The following ABLIM1 variants were observed in gnomAD, a reference collection of about 807,000 sequenced individuals.
ABLIM1 encodes the protein actin binding LIM protein 1, also known as actin-binding LIM protein 1.
A neutral mutation model predicts 107.0 loss-of-function variants in ABLIM1; 40 were observed. The observed-to-expected ratio is 0.37, with a 90% CI of 0.29 to 0.49. The LOEUF (loss-of-function observed/expected upper bound fraction) is 0.49, where lower values mean the gene tolerates loss of function less well. ABLIM1 is among the 20% of genes least tolerant of loss of function. The pLI is 0.97. For missense variants in ABLIM1, 857 were observed against 1,008.5 expected, an observed-to-expected ratio of 0.85 and a Z score of 2.04; for synonymous variants, 357 against 357.3, an observed-to-expected ratio of 1.00 and a Z score of 0.01.
chr10:114,726,826 A>G (rs1043779626), intron 1 of ABLIM1, among the ~76,000 whole-genome samples: 1 of 152,130 alleles, frequency 6.6e-6, no homozygotes, highest in Non-Finnish European at 1.5e-5. Context: ...ATGGCGCTAA[A>G]GCATTCATGA....
intron 2 of ABLIM1, among the ~76,000 whole-genome samples, chr10:114,586,978 C>A (rs544023868): frequency 1.5e-4 from 23 of 152,214 alleles, no homozygotes; most frequent in African/African-American, 5.3e-4. Flanking sequence ...AACTGCCTAC[C>A]CCCATCTTCA....
At chr10:114,706,473 G>A (rs564863883) in intron 1 of ABLIM1, among the ~76,000 whole-genome samples, 2 of 152,310 alleles carry the variant, frequency 1.3e-5, no homozygotes, top group East Asian at 1.9e-4. Context: ...AATTGACCCT[G>A]AGAAACAAAT....
At chr10:114,482,105 A>G (rs1262686578) in intron 8 of ABLIM1, among the ~76,000 whole-genome samples, 5 of 152,204 alleles carry the variant, frequency 3.3e-5, no homozygotes, top group African/African-American at 9.6e-5. Flanking sequence ...GACACCCCCC[A>G]GATTATTACA....
chr10:114,658,312 C>T (rs138122678), upstream of ABLIM1: 2 of 1,500,824 alleles, frequency 1.3e-6, no homozygotes, highest in Non-Finnish European at 1.8e-6. Context: ...TTTCTCACTG[C>T]CCAGCAAAGA....
intron 2 of ABLIM1, among the ~76,000 whole-genome samples, chr10:114,592,379 C>A (rs2074981696): frequency 6.6e-6 from 1 of 152,044 alleles, no homozygotes; most frequent in African/African-American, 2.4e-5. Context: ...TCAGGAAGGA[C>A]AGCAGAATTC....
intron 1 of ABLIM1, among the ~76,000 whole-genome samples, chr10:114,634,724 G>A (rs1318034931): frequency 6.6e-6 from 1 of 152,042 alleles, no homozygotes; most frequent in Non-Finnish European, 1.5e-5. Flanking sequence ...CTGTGCCACA[G>A]TCAAAGTGAA....
rs370721047 is a variant in ABLIM1 at position 114,719,927 on chromosome 10, TA to T, written c.-213+48133del. 2.0e-3 allele frequency among the ~76,000 whole-genome samples: 299 copies of T among 152,296 alleles called. 2 individuals carry two copies. The highest frequency in any genetic ancestry group is 0.011 in the South Asian group (55 of 4,828). ...CATAAACAATCCAATTAACCTTTCT[TA>T]AGAAAATGTGTGCCACAGTGGTTTG... On this transcript the variant is annotated intron_variant, in intron 1 of 15. Coordinates refer to the ABLIM1 transcript ENST00000651092.
intron 2 of ABLIM1, among the ~76,000 whole-genome samples, chr10:114,596,584 A>T (rs1278144213): frequency 6.6e-6 from 1 of 152,172 alleles, no homozygotes; most frequent in Non-Finnish European, 1.5e-5. Context: ...AATGTCAGGC[A>T]TTTTAGAAAG....
intron 14 of ABLIM1, among the ~76,000 whole-genome samples, chr10:114,448,875 G>T (rs778150182): frequency 1.2e-4 from 18 of 152,148 alleles, no homozygotes; most frequent in Non-Finnish European, 2.5e-4. Context: ...CTCCCAAAGT[G>T]CTGGGATTAC....
At chr10:114,686,547 A>C (rs2080942382), upstream of ABLIM1, among the ~76,000 whole-genome samples, 1 of 151,852 alleles carries the variant, frequency 6.6e-6, no homozygotes, top group Non-Finnish European at 1.5e-5. Context: ...GGTGAAACCA[A>C]CTGCCTAGAA....
intron 1 of ABLIM1, among the ~76,000 whole-genome samples, chr10:114,715,467 A>C (rs1392912333): frequency 6.6e-6 from 1 of 152,168 alleles, no homozygotes; most frequent in Non-Finnish European, 1.5e-5. Flanking sequence ...CCAAACAAAA[A>C]CAAATTACAC....
intron 1 of ABLIM1, among the ~76,000 whole-genome samples, chr10:114,602,283 G>A (rs1188951517): frequency 2.6e-5 from 4 of 152,290 alleles, no homozygotes; most frequent in South Asian, 4.1e-4. Flanking sequence ...TTGTTATGTG[G>A]ACTTGTAATA....
At chr10:114,469,486 C>T (rs960047509) in intron 10 of ABLIM1, among the ~76,000 whole-genome samples, 2 of 152,206 alleles carry the variant, frequency 1.3e-5, no homozygotes, top group Non-Finnish European at 2.9e-5. Context: ...TTCACCCAGA[C>T]ACCTGCAGGG....
chr10:114,444,014 G>A lies in ABLIM1; in HGVS notation c.1933+15C>T. On this transcript the variant is annotated intron_variant, in intron 17 of 22. Transcript: ENST00000533213. ...TGGCTCTCGAATCAGGGAAGGTTGG[G>A]GGTTTGCTGCTTACCTGAGTTGATG... 1 of 1,596,442 alleles carries A rather than the reference G, an allele frequency of 6.3e-7. No individual in the cohort carries two copies. The highest frequency in any genetic ancestry group is 1.1e-5 in the South Asian group (1 of 87,894).
chr10:114,456,104 G>A (rs774656432), intron 12 of ABLIM1, among the ~76,000 whole-genome samples: 8 of 152,260 alleles, frequency 5.3e-5, no homozygotes, highest in African/African-American at 1.4e-4. Context: ...GTGAGCCACC[G>A]CACCCGGCTG....
intron 1 of ABLIM1, among the ~76,000 whole-genome samples, chr10:114,742,101 T>A (rs2082300034): frequency 6.6e-6 from 1 of 152,192 alleles, no homozygotes; most frequent in Non-Finnish European, 1.5e-5. Context: ...AAACCTTAAT[T>A]CTCATAGATT....
At chr10:114,633,313 G>A (rs765604824) in intron 1 of ABLIM1, among the ~76,000 whole-genome samples, 1 of 152,160 alleles carries the variant, frequency 6.6e-6, no homozygotes, top group Admixed American at 6.5e-5. Context: ...TGGGTCTGGG[G>A]AGAAGCGGGA....
intron 1 of ABLIM1, among the ~76,000 whole-genome samples, chr10:114,730,604 A>G (rs1290785538): frequency 6.6e-6 from 1 of 152,142 alleles, no homozygotes; most frequent in Non-Finnish European, 1.5e-5. Context: ...TACTGGTTTT[A>G]TTCATAAATC....
In ABLIM1 at chr10:114,707,729, G is replaced by A. The variant is rs187615769; in HGVS notation, c.-213+60332C>T. Among the ~76,000 whole-genome samples the A allele has an allele frequency of 4.8e-4, 73 of 151,988 alleles. No homozygotes were observed. Among genetic ancestry groups the A allele is most frequent in the Middle Eastern group, 6.8e-3 (2 of 294 alleles). ...AACCTGGACAACATGGTGAAAACAC[G>A]GTCTCTACTAAAAATACAAAAATTA... On this transcript the variant is annotated intron_variant, in intron 1 of 15. Coordinates refer to the ABLIM1 transcript ENST00000651092. This position sits in a 1 kb window ranked among gnomAD's most constrained non-coding sequence, Gnocchi z 4.1.
Sources: gnomAD v4.1 joint callset for allele counts (sites outside exome capture counted in the v4.1 genomes callset) on GRCh38, gnomAD v4.1.1 for gene constraint, Gnocchi (gnomAD v3.1) non-coding constraint, MANE v1.5 for transcripts, NCBI Gene and HGNC (gene_info 2026-07-23, HGNC 2026-07-21) for gene names.